TSPAN11: variants seen among roughly 807,000 people sequenced by gnomAD.
TSPAN11 encodes the protein tetraspanin-11.
In TSPAN11, 29 loss-of-function variants were observed where a neutral mutation model predicts 32.9. The ratio of observed to expected loss-of-function variants is 0.88; its 90% confidence interval spans 0.66 to 1.20. The LOEUF (loss-of-function observed/expected upper bound fraction) is 1.20, where lower values mean the gene tolerates loss of function less well. Among genes scored for constraint, TSPAN11 ranks in the 50% most tolerant of loss-of-function variants. The probability of loss-of-function intolerance (pLI) is 0.00; values close to 1 mark genes in which losing one functional copy is unlikely to be tolerated. For synonymous variants in TSPAN11, 140 were observed against 141.3 expected, an observed-to-expected ratio of 0.99 and a Z score of 0.07; for missense variants, 283 against 329.1, an observed-to-expected ratio of 0.86 and a Z score of 1.08.
intron 4 of TSPAN11, 112 bp downstream of exon 4, chr12:30,978,747 T>C: frequency 1.9e-6 from 2 of 1,068,320 alleles, no homozygotes; most frequent in South Asian, 2.8e-5. Context: ...AGGGCGGTCC[T>C]GTTTCCCAGG....
chr12:30,956,531 C>T (rs1349113709), intron 2 of TSPAN11, among the ~76,000 whole-genome samples: 1 of 151,010 alleles, frequency 6.6e-6, no homozygotes, highest in East Asian at 1.9e-4. Flanking sequence ...TCACCCTGTC[C>T]CTCACTCCCA....
At chr12:31,004,372 T>G in the TSPAN11 span, among the ~76,000 whole-genome samples, 1 of 152,154 alleles carries the variant, frequency 6.6e-6, no homozygotes, top group Admixed American at 6.5e-5. Flanking sequence ...CTTTCTGTAT[T>G]TCTTCTCTTT....
chr12:30,966,189 G>C (rs67988263), intron 3 of TSPAN11, among the ~76,000 whole-genome samples: 16,072 of 152,008 alleles, frequency 0.11, 915 homozygotes, highest in Non-Finnish European at 0.12. Flanking sequence ...AAGCAGGCAG[G>C]GAACAGAGAG....
chr12:30,931,620 C>G (rs1238809525), intron 1 of TSPAN11, among the ~76,000 whole-genome samples: 1 of 152,118 alleles, frequency 6.6e-6, no homozygotes, highest in African/African-American at 2.4e-5. Context: ...TGGCTCATGC[C>G]TGTAATCCCA....
chr12:31,000,056 C>T (rs1939462997), downstream of TSPAN11, among the ~76,000 whole-genome samples: 1 of 152,220 alleles, frequency 6.6e-6, no homozygotes, highest in Non-Finnish European at 1.5e-5. Context: ...TGTCTCATGG[C>T]TGTCATTAAA....
At chr12:31,016,343 A>G in the TSPAN11 span, among the ~76,000 whole-genome samples, 8 of 152,216 alleles carry the variant, frequency 5.3e-5, no homozygotes, top group Non-Finnish European at 5.9e-5. Context: ...ACAGCTGCAC[A>G]GCAGTGTGAT....
At chr12:31,001,875 C>A in the TSPAN11 span, among the ~76,000 whole-genome samples, 1 of 152,102 alleles carries the variant, frequency 6.6e-6, no homozygotes, top group Non-Finnish European at 1.5e-5. Flanking sequence ...TCCACGGCTC[C>A]GCTTGTGTGA....
In TSPAN11 at chr12:30,982,570, G is replaced by A. The variant is rs1232657667; in HGVS notation, c.495G>A (p.Gln165=). The A allele has an allele frequency of 6.2e-7, 1 of 1,612,662 alleles. No individual in the cohort carries two copies. Among genetic ancestry groups the A allele is most frequent in the South Asian group, 1.1e-5 (1 of 91,072 alleles). ...CCGSNSSADW[Q]HSTYILLREA... ...GAAGCAACAGCTCAGCCGACTGGCA[G>A]CACAGCACGTACATCCTGTTGCGGG... Residue 165 remains glutamine, a synonymous_variant, in exon 6 of 8, where the codon CAG becomes CAA. Coordinates refer to ENST00000546076, the MANE Select transcript of TSPAN11 (RefSeq NM_001370302.1).
chr12:31,004,658 A>T, the TSPAN11 span, among the ~76,000 whole-genome samples: 1 of 152,150 alleles, frequency 6.6e-6, no homozygotes, highest in East Asian at 1.9e-4. Flanking sequence ...GAGAAATTTG[A>T]GAGTTTCTAG....
intron 2 of TSPAN11, among the ~76,000 whole-genome samples, chr12:30,960,413 A>G (rs1592477615): frequency 6.6e-6 from 1 of 152,068 alleles, no homozygotes; most frequent in East Asian, 1.9e-4. Context: ...TTGGGATTCA[A>G]GTGTTCCTGG....
rs921543197 is a variant in TSPAN11 at position 30,992,834 on chromosome 12, G to C, written c.*919G>C. The C allele has an allele frequency of 2.6e-5, 4 of 152,318 alleles. No individual in the cohort carries two copies. The highest frequency in any genetic ancestry group is 5.9e-5 in the Non-Finnish European group (4 of 68,156). The allele number at this position is 152,318 out of a possible 1,614,324, so 9.4% of individuals were successfully genotyped here. On this transcript the variant is annotated 3_prime_UTR_variant, in exon 8 of 8. Transcript: ENST00000546076. The stretch of plus-strand genomic sequence containing the variant: ...TGCTGAGAAGGGGCAGCTCTGAATA[G>C]AGGGGCATCTGCCTGAACCTCACTT...
intron 3 of TSPAN11, among the ~76,000 whole-genome samples, chr12:30,967,101 G>A (rs1192095158): frequency 1.3e-5 from 2 of 152,220 alleles, no homozygotes; most frequent in Non-Finnish European, 2.9e-5. Flanking sequence ...AAGGCCAGAA[G>A]GGAAGCCTAA....
chr12:30,930,162 A>G (rs1937891266), intron 1 of TSPAN11, among the ~76,000 whole-genome samples: 1 of 152,116 alleles, frequency 6.6e-6, no homozygotes, highest in Admixed American at 6.5e-5. Flanking sequence ...TACTCACAAG[A>G]TGGCACTCCA....
At chr12:31,009,358 T>C in the TSPAN11 span, among the ~76,000 whole-genome samples, 1 of 152,184 alleles carries the variant, frequency 6.6e-6, no homozygotes, top group African/African-American at 2.4e-5. Context: ...CCTTAGAGCA[T>C]TCTCCCACCC....
At chr12:30,970,967 C>T (rs1023776535) in intron 3 of TSPAN11, among the ~76,000 whole-genome samples, 14 of 152,152 alleles carry the variant, frequency 9.2e-5, no homozygotes, top group African/African-American at 3.4e-4. Flanking sequence ...TCCTGTTTGG[C>T]GGGTGGTTCT....
chr12:30,948,615 A>G (rs1306338361), intron 1 of TSPAN11, among the ~76,000 whole-genome samples: 2 of 152,190 alleles, frequency 1.3e-5, no homozygotes, highest in Non-Finnish European at 2.9e-5. Flanking sequence ...CAGGGCACCA[A>G]GTCCCTAGGC....
intron 1 of TSPAN11, among the ~76,000 whole-genome samples, chr12:30,935,068 T>G (rs889205217): frequency 6.6e-6 from 1 of 152,018 alleles, no homozygotes; most frequent in Non-Finnish European, 1.5e-5. Context: ...CCCCTGCCCC[T>G]CTCCTGTGAT....
At chr12:30,969,631 C>G (rs7316034) in intron 3 of TSPAN11, among the ~76,000 whole-genome samples, 27,992 of 152,186 alleles carry the variant, frequency 0.18, 2,765 homozygotes, top group African/African-American at 0.24. Context: ...CACAATCCAG[C>G]AGCATTGTCT....
At chr12:30,958,757 C>T (rs187463891) in intron 2 of TSPAN11, among the ~76,000 whole-genome samples, 47 of 152,248 alleles carry the variant, frequency 3.1e-4, no homozygotes, top group Non-Finnish European at 6.5e-4. Context: ...AACCCAGTGT[C>T]CTACAAGTGA....
Sources: gnomAD v4.1 joint callset for allele counts (sites outside exome capture counted in the v4.1 genomes callset) on GRCh38, gnomAD v4.1.1 for gene constraint, MANE v1.5 for transcripts, NCBI Gene and HGNC (gene_info 2026-07-23, HGNC 2026-07-21) for gene names.